The following CERS6 variants were observed in gnomAD, a reference collection of about 807,000 sequenced individuals.
The protein encoded by CERS6 is ceramide synthase 6, also known as LAG1 homolog, ceramide synthase 6.
Under a neutral mutation model 56.8 loss-of-function variants are expected in CERS6, and 26 were observed. The ratio of observed to expected loss-of-function variants is 0.46; its 90% CI spans 0.34 to 0.63. CERS6 has a LOEUF of 0.63. Ranked by LOEUF, CERS6 falls within the 30% of genes least tolerant of loss-of-function variation. CERS6 has a pLI of 0.01. For synonymous variants in CERS6, 164 were observed against 173.3 expected (o/e 0.95, Z 0.42); for missense variants, 415 against 467.5 (o/e 0.89, Z 1.04).
chr2:168,639,101 C>A (rs1684929199), intron 4 of CERS6, among the ~76,000 whole-genome samples: 1 of 151,992 alleles, frequency 6.6e-6, no homozygotes, highest in Non-Finnish European at 1.5e-5. Context: ...ATATGATTTT[C>A]ATTATTAGAC....
intron 4 of CERS6, among the ~76,000 whole-genome samples, chr2:168,668,262 C>CT (rs2105335880): frequency 6.6e-6 from 1 of 152,220 alleles, no homozygotes; most frequent in African/African-American, 2.4e-5. Flanking sequence ...TATTCCTACT[C>CT]TGATTTTCCT....
chr2:168,479,821 T>C (rs1307921186), intron 1 of CERS6, among the ~76,000 whole-genome samples: 2 of 152,190 alleles, frequency 1.3e-5, no homozygotes, highest in East Asian at 3.8e-4. Context: ...TTGGTCAGGC[T>C]GGTCTCGAAC....
At chr2:168,552,181 C>T (rs1695584662) in intron 2 of CERS6, among the ~76,000 whole-genome samples, 1 of 151,988 alleles carries the variant, frequency 6.6e-6, no homozygotes, top group Non-Finnish European at 1.5e-5. Flanking sequence ...CTTTGCCTCC[C>T]AGTACTGGTT....
chr2:168,535,796 A>T (rs1293257439), intron 1 of CERS6, among the ~76,000 whole-genome samples: 1 of 149,208 alleles, frequency 6.7e-6, no homozygotes, highest in Non-Finnish European at 1.5e-5. Flanking sequence ...TCGACATGAG[A>T]AATTTATTGG....
At chr2:168,757,917 G>A (rs1174261580) in intron 8 of CERS6, among the ~76,000 whole-genome samples, 1 of 152,108 alleles carries the variant, frequency 6.6e-6, no homozygotes, top group Non-Finnish European at 1.5e-5. Flanking sequence ...TGGAAACATC[G>A]TTCTCAGCCT....
chr2:168,747,406 T>C (rs182777628), intron 8 of CERS6, among the ~76,000 whole-genome samples: 4 of 152,306 alleles, frequency 2.6e-5, no homozygotes, highest in Non-Finnish European at 5.9e-5. Flanking sequence ...ACTATAGATA[T>C]GGATTTTTAA....
intron 5 of CERS6, 70 bp downstream of exon 5, chr2:168,691,154 A>G (rs1686491763): frequency 5.5e-6 from 8 of 1,444,848 alleles, no homozygotes; most frequent in East Asian, 2.3e-5. Flanking sequence ...TCATGGTCTC[A>G]GGCAGGCCCC....
chr2:168,634,110 A>G (rs1206679270), intron 4 of CERS6, among the ~76,000 whole-genome samples: 1 of 152,212 alleles, frequency 6.6e-6, no homozygotes, highest in African/African-American at 2.4e-5. Flanking sequence ...AGTAGACACT[A>G]CAGAACAACC....
chr2:168,474,826 T>C (rs1694040715), intron 1 of CERS6, among the ~76,000 whole-genome samples: 1 of 152,218 alleles, frequency 6.6e-6, no homozygotes, highest in Non-Finnish European at 1.5e-5. Context: ...GTTATATTCC[T>C]TTACAACAAA....
intron 3 of CERS6, among the ~76,000 whole-genome samples, chr2:168,581,454 G>A (rs1683408016): frequency 6.6e-6 from 1 of 152,074 alleles, no homozygotes; most frequent in African/African-American, 2.4e-5. Context: ...ACCCTCATGA[G>A]TTCTAACTTC....
At chr2:168,508,720 G>T (rs1455376929) in intron 1 of CERS6, among the ~76,000 whole-genome samples, 1 of 152,044 alleles carries the variant, frequency 6.6e-6, no homozygotes, top group Non-Finnish European at 1.5e-5. Context: ...GGGGGGTGGG[G>T]GGTAGGGGAG....
intron 3 of CERS6, among the ~76,000 whole-genome samples, chr2:168,596,863 G>A (rs371021288): frequency 6.6e-6 from 1 of 152,168 alleles, no homozygotes; most frequent in African/African-American, 2.4e-5. Flanking sequence ...AAAATTTGGA[G>A]TTAAGAGCAA....
chr2:168,612,852 G>A (rs1684222331), intron 3 of CERS6, among the ~76,000 whole-genome samples: 2 of 152,088 alleles, frequency 1.3e-5, no homozygotes, highest in African/African-American at 4.8e-5. Flanking sequence ...TCTGCAGGAG[G>A]AGTAACTCTC....
chr2:168,481,620 T>C (rs1159521766), intron 1 of CERS6, among the ~76,000 whole-genome samples: 1 of 152,244 alleles, frequency 6.6e-6, no homozygotes, highest in African/African-American at 2.4e-5. Flanking sequence ...GCTCCAGATC[T>C]GAAGCTGGCC....
At chr2:168,465,796 A>G (rs1307161258) in intron 1 of CERS6, among the ~76,000 whole-genome samples, 2 of 152,190 alleles carry the variant, frequency 1.3e-5, no homozygotes, top group Non-Finnish European at 2.9e-5. Context: ...TTGCACAACA[A>G]TGTGAATGTA....
intron 1 of CERS6, among the ~76,000 whole-genome samples, chr2:168,539,455 C>A (rs1695327016): frequency 6.6e-6 from 1 of 152,160 alleles, no homozygotes; most frequent in African/African-American, 2.4e-5. Flanking sequence ...TTAAACATTG[C>A]AAAGCTTTTG....
intron 4 of CERS6, among the ~76,000 whole-genome samples, chr2:168,670,331 G>A (rs1685875688): frequency 6.6e-6 from 1 of 151,982 alleles, no homozygotes; most frequent in African/African-American, 2.4e-5. Context: ...TACCAGCCTC[G>A]TGAGAAATCT....
chr2:168,604,993 C>T (rs1684019821), intron 3 of CERS6, among the ~76,000 whole-genome samples: 1 of 152,178 alleles, frequency 6.6e-6, no homozygotes, highest in African/African-American at 2.4e-5. Flanking sequence ...TAATGGGCTT[C>T]TCAGAAGAAG....
chr2:168,597,062 T>TAG (rs1683818398), intron 3 of CERS6, among the ~76,000 whole-genome samples: 1 of 152,212 alleles, frequency 6.6e-6, no homozygotes, highest in African/African-American at 2.4e-5. Flanking sequence ...GACTAATCTC[T>TAG]GACTCACTTT....
Sources: allele counts gnomAD v4.1 joint callset (sites outside exome capture counted in the v4.1 genomes callset), GRCh38; gene constraint gnomAD v4.1.1; transcripts MANE v1.5; gene names NCBI Gene and HGNC (gene_info 2026-07-23, HGNC 2026-07-21).